The following ST6GALNAC3 variants were observed in gnomAD, a reference collection of about 807,000 sequenced individuals.
ST6GALNAC3 encodes the protein alpha-N-acetylgalactosaminide alpha-2,6-sialyltransferase 3.
ST6GALNAC3 carries 25 observed loss-of-function variants against 32.7 expected under a neutral mutation model. The observed-to-expected ratio is 0.76, with a 90% CI of 0.56 to 1.07. The LOEUF (loss-of-function observed/expected upper bound fraction) is 1.07, where lower values mean the gene tolerates loss of function less well. Among genes scored for constraint, ST6GALNAC3 ranks in the 50% least tolerant of loss-of-function variants. The pLI is 0.00. For synonymous variants in ST6GALNAC3, 129 were observed against 133.1 expected (o/e 0.97, Z 0.21); for missense variants, 355 against 382.4 (o/e 0.93, Z 0.60).
intron 3 of ST6GALNAC3, among the ~76,000 whole-genome samples, chr1:76,589,780 T>C (rs1647019109): frequency 6.6e-6 from 1 of 151,576 alleles, no homozygotes; most frequent in Admixed American, 6.6e-5. Context: ...TACAAGCAGA[T>C]GAACTGGGCA....
At chr1:76,154,637 T>A (rs1651279983) in intron 1 of ST6GALNAC3, among the ~76,000 whole-genome samples, 1 of 152,164 alleles carries the variant, frequency 6.6e-6, no homozygotes, top group African/African-American at 2.4e-5. Context: ...CCTAACCTGG[T>A]TGCAATGTGG....
At chr1:76,432,443 C>CTTTTTTTTT (rs35527607) in intron 3 of ST6GALNAC3, among the ~76,000 whole-genome samples, 3 of 57,188 alleles carry the variant, frequency 5.2e-5, no homozygotes, top group East Asian at 5.0e-4. Context: ...CCTTTATTGC[C>CTTTTTTTTT]TTTTTTTTTT....
At chr1:76,085,055 A>G (rs918147858) in intron 1 of ST6GALNAC3, among the ~76,000 whole-genome samples, 1 of 152,186 alleles carries the variant, frequency 6.6e-6, no homozygotes, top group Non-Finnish European at 1.5e-5. Context: ...GCCTATTTAC[A>G]TGCAGCTCCT....
At chr1:76,179,460 T>C (rs1324442577) in intron 1 of ST6GALNAC3, among the ~76,000 whole-genome samples, 3 of 152,212 alleles carry the variant, frequency 2.0e-5, no homozygotes, top group Non-Finnish European at 4.4e-5. Context: ...GTCACCACCA[T>C]GTGTGGCCTG....
intron 3 of ST6GALNAC3, among the ~76,000 whole-genome samples, chr1:76,589,044 T>C (rs1437711826): frequency 1.3e-5 from 2 of 149,616 alleles, no homozygotes; most frequent in African/African-American, 2.5e-5. Flanking sequence ...ACTGATACAC[T>C]GGTGATTTGA....
intron 3 of ST6GALNAC3, among the ~76,000 whole-genome samples, chr1:76,447,468 C>G (rs950787093): frequency 3.9e-5 from 6 of 152,072 alleles, no homozygotes; most frequent in African/African-American, 1.4e-4. Context: ...TGAAGCCCTG[C>G]AGAAATTTGC....
rs191644504 is a variant in ST6GALNAC3, at chr1:76,482,298, T to C, written c.623+69881T>C. On this transcript the variant is annotated intron_variant, in intron 3 of 4. Coordinates refer to ENST00000328299, the MANE Select transcript of ST6GALNAC3 (RefSeq NM_152996.4). ...TCATAATTACTGTGTTGCTTCTGAG[T>C]TGTTAACAATAACACTGATTAAAAG... 9.1e-4 allele frequency among the ~76,000 whole-genome samples: 138 copies of C among 152,240 alleles called. 1 individual carries two copies. The highest frequency in any genetic ancestry group is 3.4e-3 in the Middle Eastern group (1 of 294).
chr1:76,103,311 T>G (rs1035861246), intron 1 of ST6GALNAC3, among the ~76,000 whole-genome samples: 1 of 152,104 alleles, frequency 6.6e-6, no homozygotes, highest in Non-Finnish European at 1.5e-5. Flanking sequence ...TCTCTTCTTT[T>G]CCATTTCCAT....
chr1:76,494,435 A>G (rs947634380), intron 3 of ST6GALNAC3, among the ~76,000 whole-genome samples: 98 of 44,084 alleles, frequency 2.2e-3, no homozygotes, highest in East Asian at 0.012. Flanking sequence ...ATGTGTATAT[A>G]TATATATATA....
intron 1 of ST6GALNAC3, among the ~76,000 whole-genome samples, chr1:76,086,757 T>C (rs540325771): frequency 3.3e-4 from 50 of 152,302 alleles, no homozygotes; most frequent in African/African-American, 1.1e-3. Flanking sequence ...CTGGGAAATA[T>C]GAATCATTGC....
chr1:76,475,851 G>T (rs1331238584), intron 3 of ST6GALNAC3, among the ~76,000 whole-genome samples: 1 of 151,914 alleles, frequency 6.6e-6, no homozygotes, highest in Non-Finnish European at 1.5e-5. Flanking sequence ...CCCTCCCTTA[G>T]CCCCCAGCCC....
Position 76,629,007 on chromosome 1 carries a change from G to T in ST6GALNAC3, c.*201G>T, listed in dbSNP as rs1054972095. On this transcript the variant is annotated 3_prime_UTR_variant, in exon 5 of 5. Transcript: ENST00000328299. ...CATGGAGGATGGTTGTGCTCATGAT[G>T]TTCTTTCTGGAGGTTCAACACTACG... 7.3e-6 allele frequency: 10 copies of T among 1,378,998 alleles called. No homozygotes were observed. The highest frequency in any genetic ancestry group is 9.3e-6 in the Non-Finnish European group (10 of 1,072,148). 85.4% of individuals were successfully genotyped at this position (1,378,998 alleles called of 1,614,324 possible).
At chr1:76,628,461 C>T (rs1649113647) in intron 4 of ST6GALNAC3, among the ~76,000 whole-genome samples, 159 bp from the exon 5 acceptor site, 1 of 151,930 alleles carries the variant, frequency 6.6e-6, no homozygotes. Flanking sequence ...TTCCTAAAAG[C>T]TTTCATACAT....
chr1:76,268,989 T>G (rs905187725), intron 1 of ST6GALNAC3, among the ~76,000 whole-genome samples: 2 of 152,238 alleles, frequency 1.3e-5, no homozygotes, highest in African/African-American at 2.4e-5. Context: ...TTTTCATGTT[T>G]TATTGCTGCA....
At chr1:76,496,289 G>C (rs1660843028) in intron 3 of ST6GALNAC3, among the ~76,000 whole-genome samples, 1 of 152,128 alleles carries the variant, frequency 6.6e-6, no homozygotes, top group Admixed American at 6.6e-5. Context: ...GTTATCACAC[G>C]CCAGTGATTC....
rs1654304916 is a variant in ST6GALNAC3 at position 76,412,280 on chromosome 1, G to A, written c.486G>A (p.Arg162=). The A allele has an allele frequency of 6.2e-7, 1 of 1,613,470 alleles. No homozygotes were observed. The highest frequency in any genetic ancestry group is 1.7e-5 in the Admixed American group (1 of 59,912). ...TTTGGGGACCTTTCCGCAATATGAG[G>A]AAAGATGGCAATGGCATCGTTTACA... ...YVIWGPFRNM[R]KDGNGIVYNM... is the part of the protein sequence containing the mutation. Residue 162 remains arginine (R), a synonymous_variant, in exon 3 of 5, where the codon AGG becomes AGA. Transcript: ENST00000328299.
At chr1:76,413,928 A>C (rs971791165) in intron 3 of ST6GALNAC3, among the ~76,000 whole-genome samples, 1 of 152,104 alleles carries the variant, frequency 6.6e-6, no homozygotes, top group Admixed American at 6.6e-5. Flanking sequence ...GTTTTTCATT[A>C]GTTAGAGTTA....
At chr1:76,386,595 T>C (rs1571051715) in intron 2 of ST6GALNAC3, among the ~76,000 whole-genome samples, 1 of 152,174 alleles carries the variant, frequency 6.6e-6, no homozygotes, top group Non-Finnish European at 1.5e-5. Flanking sequence ...GGGGCTATTA[T>C]CTACAGGTGG....
intron 1 of ST6GALNAC3, among the ~76,000 whole-genome samples, chr1:76,228,888 T>G (rs1433483837): frequency 6.6e-6 from 1 of 152,176 alleles, no homozygotes; most frequent in Non-Finnish European, 1.5e-5. Context: ...GTCAGGACCC[T>G]GCGCATTGAT....
Sources: allele counts gnomAD v4.1 joint callset (sites outside exome capture counted in the v4.1 genomes callset), GRCh38; gene constraint gnomAD v4.1.1; transcripts MANE v1.5; gene names NCBI Gene and HGNC (gene_info 2026-07-23, HGNC 2026-07-21).